The following IGF2R variants were observed in gnomAD, a reference collection of about 807,000 sequenced individuals.
IGF2R encodes the protein insulin like growth factor 2 receptor, also known as cation-independent mannose-6-phosphate receptor.
A neutral mutation model predicts 270.6 loss-of-function variants in IGF2R; 91 were observed. The ratio of observed to expected loss-of-function variants is 0.34; its 90% CI spans 0.28 to 0.40. IGF2R has a LOEUF of 0.40. IGF2R is among the 10% of genes least tolerant of loss of function. The probability of loss-of-function intolerance (pLI) is 1.00; values close to 1 mark genes in which losing one functional copy is unlikely to be tolerated. For missense variants in IGF2R, 2,805 were observed against 3,188.3 expected (o/e 0.88, Z 2.90); for synonymous variants, 1,316 against 1,258.9 (o/e 1.05, Z -0.96).
intron 44 of IGF2R, among the ~76,000 whole-genome samples, chr6:160,092,359 C>T (rs941649812): frequency 2.0e-5 from 3 of 152,248 alleles, no homozygotes; most frequent in Admixed American, 6.5e-5. Flanking sequence ...CGCTCCATCG[C>T]GCAGCACTGG....
intron 45 of IGF2R, among the ~76,000 whole-genome samples, chr6:160,100,321 A>G (rs1353387955): frequency 6.6e-6 from 1 of 152,200 alleles, no homozygotes; most frequent in Non-Finnish European, 1.5e-5. Flanking sequence ...ATAATCTGAA[A>G]GAAAGCTGCA....
chr6:160,047,169 A>T lies in IGF2R; in HGVS notation c.2062A>T (p.Thr688Ser). ...GTGTGTTTATTTCAGTGATGAGAAG[A>T]CTTGGAACTTGGGTCTGAGTAATGC... ...ACQVAKSDEK[T>S]WNLGLSNAKL... The change falls in exon 16 of 48, where the codon ACT becomes TCT. Residue 688 changes from threonine (T) to serine (S), a missense_variant. By Grantham distance (58) the Thr-to-Ser change is moderately conservative (BLOSUM62 1). This residue lies in a region of IGF2R where 954 missense variants were observed against 981.1 expected (regional missense o/e 0.97). Transcript: ENST00000356956. 6.2e-7 allele frequency: 1 copy of T among 1,613,984 alleles called. No individual in the cohort carries two copies. Among genetic ancestry groups the T allele is most frequent in the Non-Finnish European group, 8.5e-7 (1 of 1,179,946 alleles).
At chr6:160,032,233 G>T (rs1487807763) in intron 7 of IGF2R, among the ~76,000 whole-genome samples, 1 of 152,200 alleles carries the variant, frequency 6.6e-6, no homozygotes, top group Non-Finnish European at 1.5e-5. Context: ...CTGAGTCCAG[G>T]TGCTTGCTGG....
At chr6:160,079,122 C>T (rs1249503655) in intron 37 of IGF2R, among the ~76,000 whole-genome samples, 1 of 152,182 alleles carries the variant, frequency 6.6e-6, no homozygotes, top group Non-Finnish European at 1.5e-5. Context: ...TACAGGTCCT[C>T]CCGACAGGTG....
Position 160,007,931 on chromosome 6 carries a change from G to C in IGF2R, c.290-1079G>C, listed in dbSNP as rs571423546. Reference sequence around the variant, plus strand: ...CTTAAGATTTCTGCCAAGTTTTGAAGTTTGGATTTTGATGTTTACATCTTT... The same window carrying C: ...CTTAAGATTTCTGCCAAGTTTTGAACTTTGGATTTTGATGTTTACATCTTT... On this transcript the variant is annotated intron_variant, in intron 2 of 47. Transcript: ENST00000356956. Among the ~76,000 whole-genome samples, 47 of 152,292 alleles carry C rather than the reference G, an allele frequency of 3.1e-4. No individual in the cohort carries two copies. In the South Asian group the frequency reaches 8.5e-3, roughly 27 times the overall value.
chr6:160,058,727 T>C (rs527764841), intron 21 of IGF2R, among the ~76,000 whole-genome samples, 179 bp from the exon 22 acceptor site: 1 of 152,368 alleles, frequency 6.6e-6, no homozygotes, highest in Admixed American at 6.5e-5. Flanking sequence ...AGTTTATAGA[T>C]ACTGCCCTTT....
chr6:160,065,814 G>GTATATATATATATATA (rs59035193), intron 29 of IGF2R, among the ~76,000 whole-genome samples: 98 of 78,330 alleles, frequency 1.3e-3, no homozygotes, highest in Admixed American at 4.8e-3. Flanking sequence ...GTGTGTGTGT[G>GTATATATATATATATA]TATATATATA....
Position 159,978,324 on chromosome 6 carries a change from A to AGGAGCTTGATAATTCGAGGTGT in IGF2R, c.149+8934_149+8955dup, listed in dbSNP as rs765054861. Among the ~76,000 whole-genome samples the AGGAGCTTGATAATTCGAGGTGT allele has an allele frequency of 1.9e-3, 295 of 152,154 alleles. 1 individual carries two copies. Among genetic ancestry groups the AGGAGCTTGATAATTCGAGGTGT allele is most frequent in the Non-Finnish European group, 5.6e-4 (38 of 67,994 alleles). ...CTCACTCAGATTCCCCCAAACAATG[A>AGGAGCTTGATAATTCGAGGTGT]GGAGCTTGATAATTCGAGGTGTGGA... On this transcript the variant is annotated intron_variant, in intron 1 of 47. Coordinates refer to ENST00000356956, the MANE Select transcript of IGF2R (RefSeq NM_000876.4).
intron 44 of IGF2R, 59 bp downstream of exon 44, chr6:160,090,162 A>C: frequency 8.1e-7 from 1 of 1,230,756 alleles, no homozygotes; most frequent in South Asian, 1.9e-5. Context: ...AGGGGATTAA[A>C]ATTTTCAACT....
At chr6:159,987,681 C>G (rs1041847408) in intron 1 of IGF2R, among the ~76,000 whole-genome samples, 1 of 152,226 alleles carries the variant, frequency 6.6e-6, no homozygotes, top group African/African-American at 2.4e-5. Context: ...TGAGGCACCA[C>G]GCCCTGCCAT....
chr6:160,006,136 C>G (rs1044515266), intron 2 of IGF2R: 1 of 160,464 alleles, frequency 6.2e-6, no homozygotes. Flanking sequence ...CCTGCTGTGC[C>G]CCACGCGCCT....
At chr6:160,010,626 A>T in intron 3 of IGF2R, 61 bp from the exon 4 acceptor site, 2 of 1,068,684 alleles carry the variant, frequency 1.9e-6, no homozygotes, top group African/African-American at 1.6e-5. Context: ...TTCTCATTTT[A>T]AAGAAGAATC....
At chr6:160,029,237 C>A (rs1269698927) in intron 6 of IGF2R, among the ~76,000 whole-genome samples, 1 of 152,184 alleles carries the variant, frequency 6.6e-6, no homozygotes, top group African/African-American at 2.4e-5. Flanking sequence ...ACCTTGGTCT[C>A]CCAGAATGCT....
intron 4 of IGF2R, among the ~76,000 whole-genome samples, chr6:160,015,026 T>C (rs557728800): frequency 6.6e-6 from 1 of 152,184 alleles, no homozygotes; most frequent in African/African-American, 2.4e-5. Context: ...AGGCTGTGAG[T>C]AGGTGTAGGT....
chr6:160,038,385 C>CT (rs1252904162), intron 10 of IGF2R, among the ~76,000 whole-genome samples: 1 of 152,144 alleles, frequency 6.6e-6, no homozygotes, highest in Non-Finnish European at 1.5e-5. Context: ...TGCTAAAATT[C>CT]TTTGAGGAAT....
chr6:160,045,663 C>A, intron 13 of IGF2R, 82 bp from the exon 14 acceptor site: 1 of 1,545,908 alleles, frequency 6.5e-7, no homozygotes, highest in Non-Finnish European at 8.9e-7. Flanking sequence ...CCTTCCAAGT[C>A]TACTTCTAGC....
In IGF2R at chr6:160,105,506, G is replaced by GA. The variant is rs149971115; in HGVS notation, c.*431dup. On this transcript the variant is annotated 3_prime_UTR_variant, in exon 48 of 48. Coordinates refer to ENST00000356956, the MANE Select transcript of IGF2R (RefSeq NM_000876.4). ...ACAATTACTCAGGTTTGAGAAAAAG[G>GA]AAAAAAAAACAGCCACCGTTTCTTC... The GA allele has an allele frequency of 0.032, 5,006 of 154,280 alleles. 260 individuals are homozygous for GA. Among genetic ancestry groups the GA allele is most frequent in the African/African-American group, 0.11 (4,654 of 40,932 alleles). The allele number at this position is 154,280 out of a possible 1,614,324, so 9.6% of individuals were successfully genotyped here.
At chr6:160,037,232 G>C (rs945589891) in intron 10 of IGF2R, among the ~76,000 whole-genome samples, 7 of 152,214 alleles carry the variant, frequency 4.6e-5, no homozygotes, top group Non-Finnish European at 5.9e-5. Flanking sequence ...ATTGTAACAA[G>C]GAGCCTGGAC....
chr6:160,027,730 T>C (rs1777594328), intron 6 of IGF2R, among the ~76,000 whole-genome samples: 1 of 152,230 alleles, frequency 6.6e-6, no homozygotes, highest in South Asian at 2.1e-4. Context: ...GACAGGGACC[T>C]TGGTTCCCAG....
Sources: allele counts gnomAD v4.1 joint callset (sites outside exome capture counted in the v4.1 genomes callset), GRCh38; gene constraint gnomAD v4.1.1; regional missense constraint gnomAD v4.1.1; transcripts MANE v1.5; gene names NCBI Gene and HGNC (gene_info 2026-07-23, HGNC 2026-07-21).